The following THSD7B variants were observed in gnomAD, a reference collection of about 807,000 sequenced individuals.
The protein encoded by THSD7B is thrombospondin type-1 domain-containing protein 7B.
THSD7B carries 138 observed loss-of-function variants against 213.6 expected under a neutral mutation model. The ratio of observed to expected loss-of-function variants is 0.65; its 90% CI spans 0.56 to 0.74. The LOEUF (loss-of-function observed/expected upper bound fraction) is 0.74, where lower values mean the gene tolerates loss of function less well. Among genes scored for constraint, THSD7B ranks in the 30% least tolerant of loss-of-function variants. The pLI, the probability that THSD7B is intolerant of heterozygous loss-of-function variation, is 0.00. For missense variants in THSD7B, 1,931 were observed against 1,991.5 expected (o/e 0.97, Z 0.58); for synonymous variants, 742 against 687.0 (o/e 1.08, Z -1.25).
At chr2:136,982,958 T>C (rs895832124) in intron 2 of THSD7B, among the ~76,000 whole-genome samples, 1 of 152,168 alleles carries the variant, frequency 6.6e-6, no homozygotes, top group Admixed American at 6.5e-5. Context: ...AATTCCAAGA[T>C]ACCTCTTGAC....
At chr2:137,037,826 TAAG>T (rs1686806248) in intron 2 of THSD7B, among the ~76,000 whole-genome samples, 1 of 152,178 alleles carries the variant, frequency 6.6e-6, no homozygotes, top group East Asian at 1.9e-4. Context: ...GAAATGATAT[TAAG>T]AAGACATTAA....
At chr2:137,288,941 G>A (rs1683251519) in intron 12 of THSD7B, among the ~76,000 whole-genome samples, 2 of 151,982 alleles carry the variant, frequency 1.3e-5, no homozygotes, top group African/African-American at 4.8e-5. Flanking sequence ...TGAAATGTGA[G>A]GGACATGACT....
intron 2 of THSD7B, among the ~76,000 whole-genome samples, chr2:136,916,216 G>A (rs1282627167): frequency 6.6e-6 from 1 of 152,172 alleles, no homozygotes; most frequent in Non-Finnish European, 1.5e-5. Context: ...TCATGAGAAT[G>A]TGTTGGTTAT....
intron 12 of THSD7B, among the ~76,000 whole-genome samples, chr2:137,342,020 C>T (rs984465851): frequency 1.3e-5 from 2 of 151,010 alleles, no homozygotes; most frequent in African/African-American, 4.9e-5. Flanking sequence ...TTTTCTATGC[C>T]TATATGAAAT....
rs116689861 is a variant in THSD7B at position 137,489,153 on chromosome 2, G to A, written c.3138+38130G>A. ...TTCTTAGGAAAATGTTGGGCTGGGT[G>A]CGGTGGCTCATGTCTGTAATACTAG... On this transcript the variant is annotated intron_variant, in intron 15 of 27. Coordinates refer to ENST00000409968, the MANE Select transcript of THSD7B (RefSeq NM_001316349.2). Among the ~76,000 whole-genome samples, 689 of 152,236 alleles carry A rather than the reference G, an allele frequency of 4.5e-3. 7 individuals carry two copies. The highest frequency in any genetic ancestry group is 0.016 in the African/African-American group (655 of 41,522).
intron 2 of THSD7B, among the ~76,000 whole-genome samples, chr2:136,924,337 T>C (rs1203847262): frequency 1.2e-5 from 1 of 86,582 alleles, no homozygotes; most frequent in Non-Finnish European, 2.2e-5. Flanking sequence ...TGCCTTGCTG[T>C]TTAGATTTTA....
chr2:137,286,671 T>C (rs908774227), intron 12 of THSD7B, among the ~76,000 whole-genome samples: 1 of 151,532 alleles, frequency 6.6e-6, no homozygotes, highest in Non-Finnish European at 1.5e-5. Flanking sequence ...AAAACAGAGA[T>C]AGTCACAGCC....
intron 12 of THSD7B, among the ~76,000 whole-genome samples, chr2:137,297,759 T>C (rs568815806): frequency 6.6e-6 from 1 of 152,132 alleles, no homozygotes; most frequent in African/African-American, 2.4e-5. Context: ...TTACCAGGGG[T>C]TTCAGCTGTT....
intron 5 of THSD7B, among the ~76,000 whole-genome samples, chr2:137,145,962 A>C (rs1679693353): frequency 6.6e-6 from 1 of 152,074 alleles, no homozygotes; most frequent in African/African-American, 2.4e-5. Context: ...ATAGAAGACA[A>C]CTGTAGTATT....
intron 2 of THSD7B, among the ~76,000 whole-genome samples, chr2:136,953,060 G>A (rs918217131): frequency 1.3e-5 from 2 of 152,044 alleles, no homozygotes; most frequent in South Asian, 2.1e-4. Flanking sequence ...AATTATGTTG[G>A]TAACAGGGCA....
At chr2:137,675,886 C>T (rs1277148109) in intron 27 of THSD7B, among the ~76,000 whole-genome samples, 1 of 152,110 alleles carries the variant, frequency 6.6e-6, no homozygotes, top group Admixed American at 6.5e-5. Flanking sequence ...AAGAAGTGTA[C>T]TGCAGGGTGT....
At chr2:137,591,567 C>T (rs1681865924) in intron 17 of THSD7B, among the ~76,000 whole-genome samples, 1 of 151,772 alleles carries the variant, frequency 6.6e-6, no homozygotes, top group Non-Finnish European at 1.5e-5. Flanking sequence ...CAGTGATTGC[C>T]TTTCTTAGAA....
At chr2:137,159,150 G>A (rs901874803) in intron 5 of THSD7B, among the ~76,000 whole-genome samples, 3 of 151,932 alleles carry the variant, frequency 2.0e-5, no homozygotes, top group East Asian at 1.9e-4. Flanking sequence ...GTCTCCTGGC[G>A]GCCAGGCATG....
At chr2:136,790,674 T>C (rs1573639430) in intron 1 of THSD7B, among the ~76,000 whole-genome samples, 1 of 152,192 alleles carries the variant, frequency 6.6e-6, no homozygotes, top group East Asian at 1.9e-4. Context: ...AGTTAGCATA[T>C]TGGGGGTAGT....
chr2:137,294,514 C>T (rs2104837376), intron 12 of THSD7B, among the ~76,000 whole-genome samples: 1 of 137,514 alleles, frequency 7.3e-6, no homozygotes, highest in East Asian at 2.1e-4. Flanking sequence ...ACCCGGGAGG[C>T]AGAGGTTGCA....
intron 3 of THSD7B, among the ~76,000 whole-genome samples, chr2:137,088,756 C>G (rs1687889756): frequency 6.6e-6 from 1 of 152,046 alleles, no homozygotes; most frequent in Admixed American, 6.6e-5. Flanking sequence ...TATCCAGATT[C>G]TACAATGAAC....
At chr2:137,411,454 G>T (rs557076820) in intron 13 of THSD7B, among the ~76,000 whole-genome samples, 155 bp from the exon 14 acceptor site, 2 of 152,182 alleles carry the variant, frequency 1.3e-5, no homozygotes, top group African/African-American at 4.8e-5. Context: ...AGTTGTTTCC[G>T]TTGTCTCAGG....
intron 2 of THSD7B, among the ~76,000 whole-genome samples, chr2:137,010,473 G>A (rs547708631): frequency 4.6e-5 from 7 of 152,268 alleles, no homozygotes; most frequent in African/African-American, 1.7e-4. Context: ...TCTCTGCTAT[G>A]TTCTACCATT....
At chr2:136,843,133 G>T (rs1337300600) in intron 1 of THSD7B, among the ~76,000 whole-genome samples, 1 of 147,044 alleles carries the variant, frequency 6.8e-6, no homozygotes, top group East Asian at 2.0e-4. Context: ...TCCAAATACG[G>T]CATTGCTTTT....
Sources: gnomAD v4.1 joint callset for allele counts (sites outside exome capture counted in the v4.1 genomes callset) on GRCh38, gnomAD v4.1.1 for gene constraint, MANE v1.5 for transcripts, NCBI Gene and HGNC (gene_info 2026-07-23, HGNC 2026-07-21) for gene names.